Variants in CFAP74 observed in about 807,000 individuals in gnomAD.
CFAP74 encodes cilia- and flagella-associated protein 74.
In CFAP74, 124 loss-of-function variants were observed where a neutral mutation model predicts 188.9. That is an observed-to-expected ratio of 0.66 (90% CI 0.57 to 0.76). CFAP74 has a LOEUF of 0.76. CFAP74 is among the 30% of genes least tolerant of loss of function. The probability of loss-of-function intolerance (pLI) is 0.00; values close to 1 mark genes in which losing one functional copy is unlikely to be tolerated. For missense variants in CFAP74, 2,198 were observed against 2,165.2 expected (o/e 1.02, Z -0.30); for synonymous variants, 956 against 916.7 (o/e 1.04, Z -0.77).
intron 1 of CFAP74, among the ~76,000 whole-genome samples, chr1:2,000,877 A>T (rs1658172559): frequency 6.6e-6 from 1 of 152,108 alleles, no homozygotes; most frequent in South Asian, 2.1e-4. Context: ...CCACGGTGCC[A>T]CTGTGTGGAT....
chr1:1,970,471 C>T (rs1570942668), intron 10 of CFAP74, among the ~76,000 whole-genome samples, 188 bp downstream of exon 10: 1 of 152,308 alleles, frequency 6.6e-6, no homozygotes, highest in East Asian at 1.9e-4. Flanking sequence ...GCTGGGCAGG[C>T]TGAGTCAGGC....
chr1:2,001,829 A>T lies in CFAP74; in HGVS notation c.-20+1872T>A, dbSNP rs189759652. Among the ~76,000 whole-genome samples, 11 of 152,308 alleles carry T rather than the reference A, an allele frequency of 7.2e-5. No homozygotes were observed. The East Asian group carries it at 2.1e-3, about 29-fold the overall frequency. ...GACGTGCAGTGGGAATCTAATCACG[A>T]GGACACAGCAGACGAAACCAAATGG... On this transcript the variant is annotated intron_variant, in intron 1 of 38. Coordinates refer to ENST00000682832, the MANE Select transcript of CFAP74 (RefSeq NM_001304360.2).
At chr1:1,952,801 C>A (rs1435976695) in intron 18 of CFAP74, among the ~76,000 whole-genome samples, 1 of 149,580 alleles carries the variant, frequency 6.7e-6, no homozygotes, top group Non-Finnish European at 1.5e-5. Context: ...ACTACAGAGG[C>A]ACATCACCAC....
At chr1:1,981,448 C>CG (rs1656842243) in intron 6 of CFAP74, among the ~76,000 whole-genome samples, 1 of 149,226 alleles carries the variant, frequency 6.7e-6, no homozygotes, top group Non-Finnish European at 1.5e-5. Context: ...CGGACAGACA[C>CG]GGGGGCACGC....
chr1:1,985,987 G>A (rs556571285), intron 5 of CFAP74, among the ~76,000 whole-genome samples: 27 of 152,358 alleles, frequency 1.8e-4, no homozygotes, highest in Non-Finnish European at 2.8e-4. Flanking sequence ...GCTGGCCAGA[G>A]GTCCCGGCCA....
In CFAP74 at chr1:1,968,005, CGAATGAGTGAAT is replaced by C. The variant is rs1160716036; in HGVS notation, c.1245+618_1245+629del. Among the ~76,000 whole-genome samples the C allele has an allele frequency of 3.3e-4, 46 of 140,522 alleles. 1 individual carries two copies. The South Asian group carries it at 7.8e-3, about 24-fold the overall frequency. The allele number at this position is 140,522 out of a possible 152,430, so 92.2% of individuals were successfully genotyped here. On this transcript the variant is annotated intron_variant, in intron 11 of 38. Transcript: ENST00000682832. This position sits in a 1 kb window ranked among gnomAD's most constrained non-coding sequence, Gnocchi z 4.3. ...AAGAATGAATGAGTGAATGAGTGAG[CGAATGAGTGAAT>C]GAATGAGTGAATGAGTGAATGAATA...
In CFAP74 at chr1:1,923,392, A is replaced by C. The variant is rs775910870; in HGVS notation, c.4497T>G (p.Pro1499=). 1 of 1,587,494 alleles carries C rather than the reference A, an allele frequency of 6.3e-7. No homozygotes were observed. The highest frequency in any genetic ancestry group is 8.6e-7 in the Non-Finnish European group (1 of 1,168,026). ...DVPVESLTAI[P]VFDPRHREAS... ...CCTCTCTGTGCCTGGGGTCAAATAC[A>C]GGGATCGCTGTCAGAGACTCCACGG... Residue 1499 remains proline (P), a synonymous_variant, in exon 36 of 39, where the codon CCT becomes CCG. Coordinates refer to ENST00000682832, the MANE Select transcript of CFAP74 (RefSeq NM_001304360.2). The surrounding 1 kb of genome is among the most constrained non-coding windows in gnomAD (Gnocchi z 6.3).
intron 33 of CFAP74, among the ~76,000 whole-genome samples, chr1:1,925,383 A>G (rs1417792124): frequency 1.3e-5 from 2 of 152,014 alleles, no homozygotes; most frequent in South Asian, 2.1e-4. Context: ...GCATGAGAGC[A>G]CGCAGGGCAG....
intron 33 of CFAP74, among the ~76,000 whole-genome samples, chr1:1,925,414 T>A (rs1651805583): frequency 6.6e-6 from 1 of 150,686 alleles, no homozygotes; most frequent in Non-Finnish European, 1.5e-5. Flanking sequence ...TGCAGAGGGC[T>A]GCAAACCCTT....
Position 1,923,911 on chromosome 1 carries a change from C to G in CFAP74, c.4253G>C (p.Gly1418Ala), listed in dbSNP as rs1393798142. The change falls in exon 35 of 39, where the codon GGT becomes GCT. Residue 1418 changes from glycine to alanine, a missense_variant. By Grantham distance (60) the Gly-to-Ala change is moderately conservative. Transcript: ENST00000682832. This position sits in a 1 kb window ranked among gnomAD's most constrained non-coding sequence, Gnocchi z 6.3. ...TEVVGTQNLN[G>A]QSVFSVAPVK... ...GGGGGCCACGCTGAACACGCTCTGA[C>G]CGTTGAGATTCTGCGTCCCTGCGGG... The G allele has an allele frequency of 6.2e-7, 1 of 1,611,396 alleles. No individual in the cohort carries two copies. Among genetic ancestry groups the G allele is most frequent in the Non-Finnish European group, 8.5e-7 (1 of 1,178,828 alleles).
intron 25 of CFAP74, among the ~76,000 whole-genome samples, chr1:1,932,869 G>A (rs1175948439): frequency 5.7e-5 from 8 of 139,554 alleles, no homozygotes; most frequent in Non-Finnish European, 9.3e-5. Flanking sequence ...TGGGATTACA[G>A]GTGTGAGACA....
rs1283314423 is a variant in CFAP74, at chr1:1,946,394, T to C, written c.2287A>G (p.Ile763Val). 1.6e-5 allele frequency: 25 copies of C among 1,537,102 alleles called. No individual in the cohort carries two copies. The Admixed American group carries it at 3.9e-4, about 24-fold the overall frequency. ...CCTGGGACGACCGGAGTGAAGACGATGGGCACCTTGATGGAGCTGAAGGGG... is the reference window on the plus strand; with the variant it reads ...CCTGGGACGACCGGAGTGAAGACGACGGGCACCTTGATGGAGCTGAAGGGG... ...IGPFSSIKVP[I>V]VFTPVVPGDV... The change falls in exon 20 of 39, where the codon ATC becomes GTC. Residue 763 changes from isoleucine (I) to valine (V), a missense_variant. By Grantham distance (29) the Ile-to-Val change is conservative (BLOSUM62 3). Transcript: ENST00000682832.
intron 14 of CFAP74, 55 bp downstream of exon 14, chr1:1,963,694 T>A: frequency 1.7e-6 from 2 of 1,147,338 alleles, no homozygotes; most frequent in Non-Finnish European, 2.6e-6. Flanking sequence ...AAGGGACCTA[T>A]GAACCTCCTG....
intron 24 of CFAP74, among the ~76,000 whole-genome samples, 195 bp downstream of exon 24, chr1:1,939,399 G>A (rs746588089): frequency 2.6e-5 from 4 of 152,196 alleles, no homozygotes; most frequent in South Asian, 2.1e-4. Context: ...GCACAGGACC[G>A]AGGCAGAAGT....
Position 1,973,956 on chromosome 1 carries a change from G to C in CFAP74, c.674+69C>G. The stretch of plus-strand genomic sequence containing the variant: ...GGCGAGGCTGAATCTGGAGACCCCT[G>C]GGGGAGAGGGCGGAGGGGCTGGCAG... On this transcript the variant is annotated intron_variant, in intron 7 of 38. Coordinates refer to ENST00000682832, the MANE Select transcript of CFAP74 (RefSeq NM_001304360.2). The surrounding 1 kb of genome is among the most constrained non-coding windows in gnomAD (Gnocchi z 6.2). The C allele has an allele frequency of 7.1e-7, 1 of 1,403,366 alleles. No individual in the cohort carries two copies. Among genetic ancestry groups the C allele is most frequent in the Non-Finnish European group, 9.5e-7 (1 of 1,055,352 alleles). 86.9% of individuals were successfully genotyped at this position (1,403,366 alleles called of 1,614,324 possible). A position where few individuals can be genotyped will look rare whatever the true frequency, so the allele number is the denominator to read the frequency against.
rs41315326 is a variant in CFAP74, at chr1:1,926,632, G to C, written c.3772+20C>G. On this transcript the variant is annotated intron_variant, in intron 30 of 38. Transcript: ENST00000682832. ...GCCTGGGCACCGGGGTGGAGGTGTG[G>C]GCGGGGCTTAGCGTCTCACCCACAG... The C allele has an allele frequency of 2.6e-6, 4 of 1,547,776 alleles. No individual in the cohort carries two copies. In the African/African-American group the frequency reaches 5.5e-5, roughly 21 times the overall value.
chr1:1,989,802 C>T (rs1213205369), intron 2 of CFAP74, among the ~76,000 whole-genome samples: 2 of 152,158 alleles, frequency 1.3e-5, no homozygotes, highest in East Asian at 1.9e-4. Flanking sequence ...TTGGTGGTAC[C>T]ACACCCGGCC....
At position 1,930,129 on chromosome 1, in the gene CFAP74, G is replaced by A. The variant is rs148121627; in HGVS notation, c.3219C>T (p.Phe1073=). The A allele has an allele frequency of 2.0e-5, 31 of 1,535,458 alleles. No individual in the cohort carries two copies. In the East Asian group the frequency reaches 4.4e-4, roughly 22 times the overall value. Residue 1073 remains phenylalanine (F), a synonymous_variant, in exon 26 of 39, where the codon TTC becomes TTT. Coordinates refer to ENST00000682832, the MANE Select transcript of CFAP74 (RefSeq NM_001304360.2). ...EDASPMGPTS[F]EFLLPPDSPI... ...GCGAGTCTGGGGGCAGCAGGAACTCGAAAGACGTGGGCCCCATGGGAGAGG... is the reference window on the plus strand; with the variant it reads ...GCGAGTCTGGGGGCAGCAGGAACTCAAAAGACGTGGGCCCCATGGGAGAGG...
Position 1,939,124 on chromosome 1 carries a change from C to G in CFAP74, c.2878-136G>C, listed in dbSNP as rs376508207. ...AATGTGAGGGTGAGAGTGTCGCTGTCAACGAGTGTGTGTCAGCAAGTGTGT... is the reference window on the plus strand; with the variant it reads ...AATGTGAGGGTGAGAGTGTCGCTGTGAACGAGTGTGTGTCAGCAAGTGTGT... On this transcript the variant is annotated intron_variant, in intron 24 of 38. Transcript: ENST00000682832. 3.7e-5 allele frequency: 35 copies of G among 936,714 alleles called. 1 individual carries two copies. The highest frequency in any genetic ancestry group is 9.5e-5 in the Admixed American group (4 of 42,200). The allele number at this position is 936,714 out of a possible 1,614,324, so 58.0% of individuals were successfully genotyped here.
Sources: gnomAD v4.1 joint callset for allele counts (sites outside exome capture counted in the v4.1 genomes callset) on GRCh38, gnomAD v4.1.1 for gene constraint, Gnocchi (gnomAD v3.1) non-coding constraint, MANE v1.5 for transcripts, NCBI Gene and HGNC (gene_info 2026-07-23, HGNC 2026-07-21) for gene names.